The following XYLT1 variants were observed in gnomAD, a reference collection of about 807,000 sequenced individuals.
The protein encoded by XYLT1 is beta-D-xylosyltransferase 1.
XYLT1 carries 36 observed loss-of-function variants against 91.3 expected under a neutral mutation model. That is an observed-to-expected ratio of 0.39 (90% CI 0.30 to 0.52). XYLT1 has a LOEUF of 0.52. Ranked by LOEUF, XYLT1 falls within the 20% of genes least tolerant of loss-of-function variation. XYLT1 has a pLI of 0.68. For missense variants in XYLT1, 1,242 were observed against 1,284.5 expected, an observed-to-expected ratio of 0.97 and a Z score of 0.51; for synonymous variants, 588 against 532.0, an observed-to-expected ratio of 1.11 and a Z score of -1.45.
chr16:17,145,840 C>G (rs1227418144), intron 6 of XYLT1, among the ~76,000 whole-genome samples: 2 of 152,254 alleles, frequency 1.3e-5, no homozygotes, highest in African/African-American at 4.8e-5. Context: ...CTGAGCCAGT[C>G]TGCTCAGAGT....
chr16:17,211,766 T>C (rs1371277747), intron 3 of XYLT1, among the ~76,000 whole-genome samples: 1 of 152,166 alleles, frequency 6.6e-6, no homozygotes, highest in Admixed American at 6.5e-5. Flanking sequence ...CATGCTAAGC[T>C]TGATGGGAAC....
Position 17,470,548 on chromosome 16 carries a change from G to GCCT in XYLT1, c.246_248dup (p.Gly90dup), listed in dbSNP as rs559215248. ...CCCGTCCTCCTCCTCCTCCGCCGCC[G>GCCT]CCTCCTCCTCCTCCTCGGGCTGCAG... On this transcript the variant is annotated inframe_insertion, in exon 1 of 12. Coordinates refer to ENST00000261381, the MANE Select transcript of XYLT1 (RefSeq NM_022166.4). 4.0e-4 allele frequency: 487 copies of GCCT among 1,219,916 alleles called. 2 individuals carry two copies. In the East Asian group the frequency reaches 0.012, roughly 30 times the overall value. The allele number at this position is 1,219,916 out of a possible 1,614,324, so 75.6% of individuals were successfully genotyped here. A position where few individuals can be genotyped will look rare whatever the true frequency, so the allele number is the denominator to read the frequency against.
chr16:17,198,619 C>T (rs968442794), intron 4 of XYLT1, among the ~76,000 whole-genome samples: 7 of 152,172 alleles, frequency 4.6e-5, no homozygotes, highest in Middle Eastern at 3.2e-3. Flanking sequence ...TTCAAATTAG[C>T]TATTTGAAAT....
rs899834055 is a variant in XYLT1, at chr16:17,253,409, C to T, written c.913+5579G>A. 7.2e-5 allele frequency among the ~76,000 whole-genome samples: 11 copies of T among 152,222 alleles called. No individual in the cohort carries two copies. In the East Asian group the frequency reaches 1.2e-3, roughly 16 times the overall value. On this transcript the variant is annotated intron_variant, in intron 3 of 11. Transcript: ENST00000261381. ...GCACTAAAGGCCTCAGGACAAACTC[C>T]GGCAAACTCACACTGCAAAGCCATC...
chr16:17,237,647 C>T (rs929085690), intron 3 of XYLT1, among the ~76,000 whole-genome samples: 2 of 152,198 alleles, frequency 1.3e-5, no homozygotes, highest in Admixed American at 6.5e-5. Flanking sequence ...ACGGATTCAT[C>T]AGCATTTCTT....
chr16:17,165,598 A>G (rs1295626943), intron 5 of XYLT1, among the ~76,000 whole-genome samples: 1 of 152,082 alleles, frequency 6.6e-6, no homozygotes, highest in Non-Finnish European at 1.5e-5. Context: ...AGGCTGAGGC[A>G]TGAGAATTGC....
chr16:17,437,059 T>C (rs1045733064), intron 1 of XYLT1, among the ~76,000 whole-genome samples: 6 of 152,120 alleles, frequency 3.9e-5, no homozygotes, highest in East Asian at 1.9e-4. Flanking sequence ...ATGAGAACCT[T>C]CTGTGGCAGG....
At chr16:17,150,012 G>A (rs2031243650) in intron 6 of XYLT1, among the ~76,000 whole-genome samples, 1 of 152,066 alleles carries the variant, frequency 6.6e-6, no homozygotes, top group Non-Finnish European at 1.5e-5. Context: ...CAGGTACATA[G>A]GACACCTCCA....
Position 17,127,781 on chromosome 16 carries a change from T to A in XYLT1, c.2108A>T (p.His703Leu). The change falls in exon 10 of 12, where the codon CAT becomes CTT. Residue 703 changes from histidine (H) to leucine (L), a missense_variant. Physicochemically the swap from His to Leu is moderately conservative, Grantham distance 99. Transcript: ENST00000261381. The part of the protein sequence containing the change: ...DRFQGFLIKH[H>L]ATNLAVSKLE... ...TTTGCTCACAGCCAGATTGGTAGCA[T>A]GATGCTTGATCAGAAAGCCCTGGAA... is the stretch of plus-strand genomic sequence containing the variant. The A allele has an allele frequency of 6.2e-7, 1 of 1,614,182 alleles. No individual in the cohort carries two copies. Among genetic ancestry groups the A allele is most frequent in the Non-Finnish European group, 8.5e-7 (1 of 1,180,034 alleles).
At chr16:17,353,951 G>A (rs2035257387) in intron 2 of XYLT1, among the ~76,000 whole-genome samples, 1 of 152,160 alleles carries the variant, frequency 6.6e-6, no homozygotes, top group Non-Finnish European at 1.5e-5. Flanking sequence ...TGACCCTTAG[G>A]TACCTCATGT....
chr16:17,292,750 C>A (rs1270121986), intron 2 of XYLT1, among the ~76,000 whole-genome samples: 1 of 152,232 alleles, frequency 6.6e-6, no homozygotes, highest in Non-Finnish European at 1.5e-5. Context: ...GACATCATCC[C>A]TGTTGGCCCA....
At chr16:17,205,175 G>A (rs1004405712) in intron 3 of XYLT1, among the ~76,000 whole-genome samples, 1 of 152,168 alleles carries the variant, frequency 6.6e-6, no homozygotes, top group African/African-American at 2.4e-5. Flanking sequence ...GGGGGGTCCC[G>A]GAGAGCTCCC....
chr16:17,454,922 C>T (rs1049608413), intron 1 of XYLT1, among the ~76,000 whole-genome samples: 4 of 108,762 alleles, frequency 3.7e-5, no homozygotes, highest in African/African-American at 4.0e-5. Flanking sequence ...CGCCCCCCCC[C>T]GCAACTATTT....
chr16:17,357,199 A>AAAAC (rs2035312842), intron 2 of XYLT1, among the ~76,000 whole-genome samples: 8 of 147,820 alleles, frequency 5.4e-5, no homozygotes, highest in African/African-American at 7.6e-5. Context: ...AAAAAAAAAA[A>AAAAC]CGCTACCACT....
At chr16:17,218,845 T>C (rs537948036) in intron 3 of XYLT1, among the ~76,000 whole-genome samples, 1 of 152,322 alleles carries the variant, frequency 6.6e-6, no homozygotes, top group South Asian at 2.1e-4. Flanking sequence ...CCCAAGCATG[T>C]GCCAGCACAA....
At chr16:17,127,161 C>A (rs1339921992) in intron 10 of XYLT1, among the ~76,000 whole-genome samples, 1 of 152,144 alleles carries the variant, frequency 6.6e-6, no homozygotes, top group Non-Finnish European at 1.5e-5. Context: ...ATCCATCATT[C>A]ATCTACTCAT....
chr16:17,385,506 A>G (rs1482201962), intron 1 of XYLT1, among the ~76,000 whole-genome samples: 2 of 151,806 alleles, frequency 1.3e-5, no homozygotes, highest in African/African-American at 4.8e-5. Context: ...GCCCTTCCTG[A>G]AAATTTGCAA....
intron 4 of XYLT1, among the ~76,000 whole-genome samples, chr16:17,199,572 G>A (rs1021412711): frequency 6.6e-5 from 10 of 152,312 alleles, no homozygotes; most frequent in Middle Eastern, 3.4e-3. Flanking sequence ...CGTGTTATGG[G>A]AGGGATCCAG....
chr16:17,319,157 C>T (rs532483421), intron 2 of XYLT1, among the ~76,000 whole-genome samples: 11 of 151,908 alleles, frequency 7.2e-5, no homozygotes, highest in Admixed American at 2.0e-4. Context: ...TTTTCAAGTA[C>T]GTAAAATGGA....
Sources: allele counts gnomAD v4.1 joint callset (sites outside exome capture counted in the v4.1 genomes callset), GRCh38; gene constraint gnomAD v4.1.1; transcripts MANE v1.5; gene names NCBI Gene and HGNC (gene_info 2026-07-23, HGNC 2026-07-21).